Variants in AGK observed in about 807,000 individuals in gnomAD.
AGK encodes acylglycerol kinase, also known as acylglycerol kinase, mitochondrial.
Under a neutral mutation model 66.4 loss-of-function variants are expected in AGK, and 52 were observed. The ratio of observed to expected loss-of-function variants is 0.78; its 90% CI spans 0.63 to 0.99. The LOEUF is 0.99. Among genes scored for constraint, AGK ranks in the 50% least tolerant of loss-of-function variants. AGK has a pLI of 0.00. For missense variants in AGK, 451 were observed against 506.6 expected, an observed-to-expected ratio of 0.89 and a Z score of 1.05; for synonymous variants, 182 against 181.1, an observed-to-expected ratio of 1.00 and a Z score of -0.04.
intron 5 of AGK, among the ~76,000 whole-genome samples, chr7:141,608,020 T>C (rs901650544): frequency 3.9e-5 from 6 of 152,180 alleles, no homozygotes; most frequent in African/African-American, 1.4e-4. Context: ...ATTAATGTGT[T>C]TTTACAAATA....
intron 5 of AGK, among the ~76,000 whole-genome samples, chr7:141,603,467 A>C (rs1796384902): frequency 6.6e-6 from 1 of 151,746 alleles, no homozygotes; most frequent in African/African-American, 2.4e-5. Context: ...GCTTATTTTT[A>C]GTTTTTGCCT....
chr7:141,573,578 T>C (rs1031544687), intron 2 of AGK, among the ~76,000 whole-genome samples: 1 of 152,334 alleles, frequency 6.6e-6, no homozygotes, highest in Non-Finnish European at 1.5e-5. Flanking sequence ...AACTGACATC[T>C]CAAACATTTC....
intron 2 of AGK, among the ~76,000 whole-genome samples, chr7:141,576,856 G>A (rs887456912): frequency 3.3e-5 from 5 of 151,770 alleles, no homozygotes; most frequent in East Asian, 1.9e-4. Context: ...TCGCTAACAC[G>A]GTGAAACCCC....
intron 2 of AGK, among the ~76,000 whole-genome samples, chr7:141,583,961 A>C (rs1795940034): frequency 6.6e-6 from 1 of 151,942 alleles, no homozygotes; most frequent in Non-Finnish European, 1.5e-5. Context: ...TTGTAGGTGG[A>C]TCTTTCTCAT....
chr7:141,646,990 G>T (rs1797426391), intron 13 of AGK, among the ~76,000 whole-genome samples: 1 of 151,954 alleles, frequency 6.6e-6, no homozygotes. Context: ...TCCTCCCCTT[G>T]TATGCTGGGC....
chr7:141,571,487 G>A (rs1795606257), intron 2 of AGK, among the ~76,000 whole-genome samples: 1 of 152,208 alleles, frequency 6.6e-6, no homozygotes, highest in Non-Finnish European at 1.5e-5. Context: ...AGATTCCAGT[G>A]CAATTTATTT....
intron 7 of AGK, among the ~76,000 whole-genome samples, chr7:141,614,926 T>C (rs1562973753): frequency 6.6e-6 from 1 of 152,242 alleles, no homozygotes; most frequent in Non-Finnish European, 1.5e-5. Context: ...TAATAGTACA[T>C]TGTGCTCAGA....
At chr7:141,590,886 G>A (rs1424560738) in intron 2 of AGK, among the ~76,000 whole-genome samples, 1 of 152,012 alleles carries the variant, frequency 6.6e-6, no homozygotes, top group African/African-American at 2.4e-5. Flanking sequence ...TACTGGGTGT[G>A]GAGGAAGAGA....
intron 2 of AGK, among the ~76,000 whole-genome samples, chr7:141,565,608 T>A (rs1587066632): frequency 6.6e-6 from 1 of 151,636 alleles, no homozygotes; most frequent in East Asian, 1.9e-4. Context: ...ACCACTGCAC[T>A]GCCTGGGTGA....
At chr7:141,586,093 A>T (rs1217982256) in intron 2 of AGK, among the ~76,000 whole-genome samples, 1 of 152,106 alleles carries the variant, frequency 6.6e-6, no homozygotes, top group Non-Finnish European at 1.5e-5. Context: ...TCTGATGACC[A>T]CACTCAGAGT....
intron 2 of AGK, among the ~76,000 whole-genome samples, chr7:141,586,246 G>A (rs1206333957): frequency 1.3e-5 from 2 of 152,064 alleles, no homozygotes; most frequent in East Asian, 3.8e-4. Flanking sequence ...TAACGTTTTT[G>A]TGCGTTTGGA....
chr7:141,651,492 T>G (rs1023053699), intron 14 of AGK, 33 bp from the exon 15 acceptor site: 9 of 1,605,174 alleles, frequency 5.6e-6, no homozygotes, highest in South Asian at 1.1e-5. Flanking sequence ...TTGCCATCAC[T>G]GGTCTTAAGC....
At chr7:141,628,717 T>A (rs1587145053) in intron 9 of AGK, among the ~76,000 whole-genome samples, 1 of 152,210 alleles carries the variant, frequency 6.6e-6, no homozygotes, top group Admixed American at 6.5e-5. Flanking sequence ...ATCCTTTGAT[T>A]ATGACGAGTT....
chr7:141,652,203 CAG>C (rs1277240476), intron 15 of AGK, among the ~76,000 whole-genome samples: 1 of 152,156 alleles, frequency 6.6e-6, no homozygotes, highest in Non-Finnish European at 1.5e-5. Flanking sequence ...TATAGGTAAA[CAG>C]AAGGTATCCC....
chr7:141,621,356 G>A (rs1399388615), intron 8 of AGK, among the ~76,000 whole-genome samples: 1 of 152,152 alleles, frequency 6.6e-6, no homozygotes, highest in Non-Finnish European at 1.5e-5. Flanking sequence ...CTGGCTGTTA[G>A]AGCAAGAATA....
intron 1 of AGK, among the ~76,000 whole-genome samples, chr7:141,551,954 T>C (rs970145491): frequency 3.9e-5 from 6 of 152,184 alleles, no homozygotes; most frequent in African/African-American, 1.4e-4. Context: ...CAGTATCTCC[T>C]AAACCGCACT....
At chr7:141,557,695 G>A (rs753350151) in intron 2 of AGK, among the ~76,000 whole-genome samples, 4 of 152,168 alleles carry the variant, frequency 2.6e-5, no homozygotes, top group Non-Finnish European at 5.9e-5. Flanking sequence ...GAAGTGTGGT[G>A]GCAGCCTGGA....
chr7:141,603,077 G>A (rs2116938167), intron 5 of AGK, among the ~76,000 whole-genome samples: 1 of 152,092 alleles, frequency 6.6e-6, no homozygotes, highest in Non-Finnish European at 1.5e-5. Flanking sequence ...CATAAATGTT[G>A]TATCTATGCC....
At chr7:141,551,781 G>T (rs1223248905) in intron 1 of AGK, among the ~76,000 whole-genome samples, 1 of 152,180 alleles carries the variant, frequency 6.6e-6, no homozygotes, top group Non-Finnish European at 1.5e-5. Context: ...TTTGCAAAAT[G>T]GGGCCAATAG....
Sources: allele counts gnomAD v4.1 joint callset (sites outside exome capture counted in the v4.1 genomes callset), GRCh38; gene constraint gnomAD v4.1.1; transcripts MANE v1.5; gene names NCBI Gene and HGNC (gene_info 2026-07-23, HGNC 2026-07-21).